The following BCL11A variants were observed in gnomAD, a reference collection of about 807,000 sequenced individuals.
The protein encoded by BCL11A is B cell CLL/lymphoma 11A.
A neutral mutation model predicts 55.9 loss-of-function variants in BCL11A; 2 were observed. The ratio of observed to expected loss-of-function variants is 0.04; its 90% confidence interval spans 0.01 to 0.11. BCL11A has a LOEUF of 0.11. Ranked by LOEUF, BCL11A falls within the 10% of genes least tolerant of loss-of-function variation. The pLI is 1.00. For synonymous variants in BCL11A, 465 were observed against 473.4 expected (o/e 0.98, Z 0.23); for missense variants, 817 against 1,137.1 (o/e 0.72, Z 4.05).
intron 2 of BCL11A, chr2:60,527,258 G>C (rs537641099): frequency 6.6e-6 from 1 of 152,324 alleles, no homozygotes; most frequent in Admixed American, 6.5e-5. Flanking sequence ...TAGGGGGTGC[G>C]AGCGAGGGAA....
At chr2:60,524,196 C>G (rs1274400776) in intron 2 of BCL11A, among the ~76,000 whole-genome samples, 1 of 152,176 alleles carries the variant, frequency 6.6e-6, no homozygotes, top group African/African-American at 2.4e-5. Context: ...CTAGCGGCAG[C>G]TTCCTATCAT....
At chr2:60,486,100 A>G (rs10189857) in intron 2 of BCL11A, among the ~76,000 whole-genome samples, 64,985 of 152,030 alleles carry the variant, frequency 0.43, 14,746 homozygotes, top group East Asian at 0.77. Context: ...GCAGGTCAAG[A>G]GTAGAGAACT....
intron 2 of BCL11A, among the ~76,000 whole-genome samples, chr2:60,511,879 GT>G: frequency 6.6e-6 from 1 of 152,272 alleles, no homozygotes; most frequent in South Asian, 2.1e-4. Flanking sequence ...AAATAAATCA[GT>G]AAAATGATGA....
At position 60,460,917 on chromosome 2, in the gene BCL11A, GGCC is replaced by G; in HGVS notation, c.1992_1994del (p.Ala665del). On this transcript the variant is annotated inframe_deletion, in exon 4 of 4. Transcript: ENST00000642384. Reference sequence around the variant, plus strand: ...GGAAGGGATCTTTGAGCTGCCTGGAGGCCGCGTAGCCGGCGAGCCACTGCGAGT... The same window carrying G: ...GGAAGGGATCTTTGAGCTGCCTGGAGGCGTAGCCGGCGAGCCACTGCGAGT... 6.2e-7 allele frequency: 1 copy of G among 1,612,862 alleles called. No homozygotes were observed. Among genetic ancestry groups the G allele is most frequent in the Non-Finnish European group, 8.5e-7 (1 of 1,180,036 alleles).
intron 2 of BCL11A, among the ~76,000 whole-genome samples, chr2:60,541,208 C>G (rs1476555420): frequency 5.2e-5 from 7 of 135,596 alleles, no homozygotes; most frequent in Non-Finnish European, 9.7e-5. Context: ...TCACGTGGAC[C>G]TATTCTCAAA....
chr2:60,459,248 C>A lies in BCL11A; in HGVS notation c.*1156G>T. The A allele has an allele frequency of 6.9e-6, 7 of 1,018,862 alleles. No homozygotes were observed. Among genetic ancestry groups the A allele is most frequent in the Non-Finnish European group, 8.2e-6 (7 of 848,884 alleles). 63.1% of individuals were successfully genotyped at this position (1,018,862 alleles called of 1,614,324 possible). On this transcript the variant is annotated 3_prime_UTR_variant, in exon 4 of 4. Transcript: ENST00000642384. Reference sequence around the variant, plus strand: ...TTGTCCACTTGACAACCAAGTAGATCTGGATCTATTTCTTTTGGTGCCAGT... The same window carrying A: ...TTGTCCACTTGACAACCAAGTAGATATGGATCTATTTCTTTTGGTGCCAGT...
At chr2:60,490,426 T>C (rs368229413) in intron 2 of BCL11A, among the ~76,000 whole-genome samples, 2 of 152,230 alleles carry the variant, frequency 1.3e-5, no homozygotes, top group Non-Finnish European at 2.9e-5. Flanking sequence ...TAGTTCCCCG[T>C]ACCCATCAAG....
At chr2:60,497,309 G>A (rs1393711291) in intron 2 of BCL11A, among the ~76,000 whole-genome samples, 1 of 152,218 alleles carries the variant, frequency 6.6e-6, no homozygotes, top group Non-Finnish European at 1.5e-5. Context: ...GTAAAACGAA[G>A]CATCGCCTTT....
chr2:60,496,450 T>C (rs1011889363), intron 2 of BCL11A: 11 of 152,378 alleles, frequency 7.2e-5, no homozygotes, highest in African/African-American at 2.4e-4. Context: ...AAGTCTGCCA[T>C]TGTCCTCTGG....
Position 60,553,573 on chromosome 2 carries a change from A to C in BCL11A, c.-303T>G. Reference sequence around the variant, plus strand: ...AGAGAGAGAGATGAAAAAAATGGCAAAAGCCCCCCTGAGCTGCAAGTTCAA... The same window carrying C: ...AGAGAGAGAGATGAAAAAAATGGCACAAGCCCCCCTGAGCTGCAAGTTCAA... On this transcript the variant is annotated 5_prime_UTR_variant, in exon 1 of 4. Coordinates refer to ENST00000642384, the MANE Select transcript of BCL11A (RefSeq NM_022893.4). 5.0e-6 allele frequency: 2 copies of C among 399,446 alleles called. No homozygotes were observed. The highest frequency in any genetic ancestry group is 8.6e-6 in the Non-Finnish European group (2 of 232,170). The allele number at this position is 399,446 out of a possible 1,614,324, so 24.7% of individuals were successfully genotyped here.
intron 2 of BCL11A, among the ~76,000 whole-genome samples, chr2:60,539,350 G>A (rs1669815325): frequency 6.6e-6 from 1 of 152,210 alleles, no homozygotes; most frequent in Non-Finnish European, 1.5e-5. Flanking sequence ...GGGATCAGAA[G>A]TGACCTCACC....
chr2:60,504,258 A>T (rs1251209394), intron 2 of BCL11A, among the ~76,000 whole-genome samples: 3 of 152,216 alleles, frequency 2.0e-5, no homozygotes, highest in Admixed American at 6.5e-5. Context: ...GCCTACCGGC[A>T]CGCATGCAGG....
rs1367372124 is a variant in BCL11A at position 60,467,207 on chromosome 2, G to A, written c.487+1525C>T. On this transcript the variant is annotated intron_variant, in intron 3 of 3. Transcript: ENST00000642384. ...GGTGGTGATGGTGGTGGTGATGGCGGTGATGGTACTGGTGATGGTGGTGGT... is the reference window on the plus strand; with the variant it reads ...GGTGGTGATGGTGGTGGTGATGGCGATGATGGTACTGGTGATGGTGGTGGT... Among the ~76,000 whole-genome samples the A allele has an allele frequency of 8.5e-4, 109 of 128,230 alleles. 1 individual carries two copies. Among genetic ancestry groups the A allele is most frequent in the Non-Finnish European group, 9.4e-4 (56 of 59,510 alleles). 84.1% of individuals were successfully genotyped at this position (128,230 alleles called of 152,430 possible).
chr2:60,509,969 C>A (rs113673753), intron 2 of BCL11A, among the ~76,000 whole-genome samples: 1,580 of 152,192 alleles, frequency 0.01, 28 homozygotes, highest in African/African-American at 0.036. Flanking sequence ...TCCATCTTGA[C>A]TCCTCCCTTC....
At chr2:60,474,445 A>G (rs1245789677) in intron 2 of BCL11A, among the ~76,000 whole-genome samples, 1 of 152,252 alleles carries the variant, frequency 6.6e-6, no homozygotes, top group Admixed American at 6.5e-5. Context: ...GGTACTTAAA[A>G]AAAGAATTCC....
At chr2:60,528,101 A>G (rs1669284543) in intron 2 of BCL11A, 1 of 152,526 alleles carries the variant, frequency 6.6e-6, no homozygotes, top group South Asian at 2.1e-4. Flanking sequence ...ACCTCCTCGA[A>G]GCAGATTATG....
downstream of BCL11A, chr2:60,452,356 C>T (rs1030867766): frequency 2.0e-6 from 1 of 492,126 alleles, no homozygotes. Context: ...TTCACTGTTC[C>T]AATGTGGGTC....
chr2:60,471,783 G>A (rs1159788283), intron 2 of BCL11A, among the ~76,000 whole-genome samples: 6 of 152,074 alleles, frequency 3.9e-5, no homozygotes, highest in African/African-American at 9.7e-5. Context: ...TTCTCACAGC[G>A]CAGACCCAGG....
At chr2:60,501,515 T>C (rs1679280903) in intron 2 of BCL11A, among the ~76,000 whole-genome samples, 1 of 150,492 alleles carries the variant, frequency 6.6e-6, no homozygotes, top group South Asian at 2.1e-4. Flanking sequence ...CTTTTTTTTT[T>C]TTTTTTTTTT....
Sources: gnomAD v4.1 joint callset for allele counts (sites outside exome capture counted in the v4.1 genomes callset) on GRCh38, gnomAD v4.1.1 for gene constraint, MANE v1.5 for transcripts, NCBI Gene and HGNC (gene_info 2026-07-23, HGNC 2026-07-21) for gene names.